Variants in FIP1L1 observed in about 807,000 individuals in gnomAD.
The protein encoded by FIP1L1 is factor interacting with PAPOLA and CPSF1.
A neutral mutation model predicts 84.6 loss-of-function variants in FIP1L1; 21 were observed. The ratio of observed to expected loss-of-function variants is 0.25; its 90% CI spans 0.18 to 0.36. The LOEUF is 0.36. Ranked by LOEUF, FIP1L1 falls within the 10% of genes least tolerant of loss-of-function variation. The pLI is 1.00. For synonymous variants in FIP1L1, 263 were observed against 242.3 expected (o/e 1.09, Z -0.80); for missense variants, 526 against 751.1 (o/e 0.70, Z 3.50).
chr4:53,419,690 C>T (rs1410634629), intron 11 of FIP1L1, among the ~76,000 whole-genome samples: 2 of 152,090 alleles, frequency 1.3e-5, no homozygotes, highest in Non-Finnish European at 2.9e-5. Flanking sequence ...TCTCCTGCCT[C>T]GGCCTACTCC....
intron 10 of FIP1L1, among the ~76,000 whole-genome samples, chr4:53,405,082 C>G (rs1752510872): frequency 6.6e-6 from 1 of 152,108 alleles, no homozygotes; most frequent in Non-Finnish European, 1.5e-5. Flanking sequence ...AAGTCCTTGC[C>G]CATGCCTGTG....
intron 11 of FIP1L1, among the ~76,000 whole-genome samples, chr4:53,420,766 T>C (rs1331238516): frequency 1.3e-5 from 2 of 152,192 alleles, no homozygotes; most frequent in African/African-American, 4.8e-5. Flanking sequence ...CCCGGGCTGA[T>C]CTCGAATTCC....
intron 9 of FIP1L1, among the ~76,000 whole-genome samples, chr4:53,396,579 T>C (rs937784928): frequency 8.6e-5 from 13 of 151,896 alleles, no homozygotes; most frequent in African/African-American, 3.1e-4. Flanking sequence ...CTAATTTTTT[T>C]AGTTTTAGTA....
intron 10 of FIP1L1, among the ~76,000 whole-genome samples, chr4:53,401,697 T>A (rs933723806): frequency 6.6e-6 from 1 of 152,208 alleles, no homozygotes; most frequent in Non-Finnish European, 1.5e-5. Context: ...GATGGTTTTG[T>A]CATTTACAGA....
chr4:53,446,885 TGA>T (rs1440936870), intron 15 of FIP1L1, among the ~76,000 whole-genome samples: 2 of 152,058 alleles, frequency 1.3e-5, no homozygotes, highest in Admixed American at 6.6e-5. Flanking sequence ...TATAAAAAAG[TGA>T]GAGTCTCTTG....
intron 10 of FIP1L1, 69 bp downstream of exon 10, chr4:53,399,908 T>G: frequency 1.9e-6 from 2 of 1,064,776 alleles, no homozygotes; most frequent in Non-Finnish European, 2.8e-6. Flanking sequence ...TGTGCTATAT[T>G]AAGTATAAAA....
At chr4:53,378,309 C>T (rs553629426) in intron 1 of FIP1L1, 3 of 187,844 alleles carry the variant, frequency 1.6e-5, no homozygotes, top group Admixed American at 1.2e-4. Context: ...CCTTAGGGTG[C>T]CCTTCCTGTC....
In FIP1L1 at chr4:53,383,884, A is replaced by G. The variant is rs762368681; in HGVS notation, c.332+8A>G. The G allele has an allele frequency of 1.9e-6, 3 of 1,608,176 alleles. No homozygotes were observed. Among genetic ancestry groups the G allele is most frequent in the Admixed American group, 3.4e-5 (2 of 58,658 alleles). ...GGGAGCACCACAGTATGGGTAAGTTATTTTTTAGTAAGTAACAATTGTGTA... is the reference window on the plus strand; with the variant it reads ...GGGAGCACCACAGTATGGGTAAGTTGTTTTTTAGTAAGTAACAATTGTGTA... On this transcript the variant is annotated splice_region_variant and intron_variant, in intron 5 of 17. Transcript: ENST00000337488.
At chr4:53,401,114 T>TAACA (rs1750021623) in intron 10 of FIP1L1, among the ~76,000 whole-genome samples, 1 of 152,226 alleles carries the variant, frequency 6.6e-6, no homozygotes, top group Non-Finnish European at 1.5e-5. Context: ...TCCCTCACAG[T>TAACA]GTAGTTATCT....
intron 10 of FIP1L1, among the ~76,000 whole-genome samples, chr4:53,406,352 A>T (rs1753449548): frequency 6.6e-6 from 1 of 152,178 alleles, no homozygotes; most frequent in Admixed American, 6.5e-5. Context: ...CATCCCAGGG[A>T]TGAAGCCCAC....
At chr4:53,458,876 G>A (rs1720915244) in intron 17 of FIP1L1, 86 bp downstream of exon 17, 1 of 1,461,890 alleles carries the variant, frequency 6.8e-7, no homozygotes, top group Non-Finnish European at 9.2e-7. Context: ...GGGAAATTTT[G>A]GCCTATGAAC....
intron 13 of FIP1L1, 156 bp from the exon 14 acceptor site, chr4:53,442,497 A>G (rs1772379678): frequency 1.7e-6 from 1 of 585,034 alleles, no homozygotes; most frequent in East Asian, 2.9e-5. Flanking sequence ...AAATCTGTTC[A>G]TAAGTTTGAG....
chr4:53,417,005 T>G (rs1759789653), intron 11 of FIP1L1, among the ~76,000 whole-genome samples: 1 of 152,180 alleles, frequency 6.6e-6, no homozygotes, highest in Non-Finnish European at 1.5e-5. Context: ...TTCAATGTAA[T>G]TTTAAACTTT....
rs372168960 is a variant in FIP1L1 at position 53,445,706 on chromosome 4, T to G, written c.1285+1603T>G. 1.1e-4 allele frequency among the ~76,000 whole-genome samples: 16 copies of G among 152,324 alleles called. No homozygotes were observed. In the East Asian group the frequency reaches 2.7e-3, roughly 26 times the overall value. ...TGCCTTGTCCATGCCGATAAGGGTC[T>G]AAATTTGTCTTCAGTGATCAACTTT... On this transcript the variant is annotated intron_variant, in intron 15 of 17. Transcript: ENST00000337488.
chr4:53,422,336 T>C (rs1193493509), intron 11 of FIP1L1, among the ~76,000 whole-genome samples: 1 of 152,134 alleles, frequency 6.6e-6, no homozygotes, highest in Non-Finnish European at 1.5e-5. Context: ...TTTAATGTAT[T>C]GTGGGTACTG....
chr4:53,426,512 G>A (rs1159436695), intron 12 of FIP1L1, among the ~76,000 whole-genome samples: 3 of 151,994 alleles, frequency 2.0e-5, no homozygotes, highest in African/African-American at 7.2e-5. Context: ...TCGGATTTTA[G>A]AGCATTTCAG....
chr4:53,427,046 A>G (rs2149996618), intron 12 of FIP1L1, among the ~76,000 whole-genome samples: 1 of 152,348 alleles, frequency 6.6e-6, no homozygotes, highest in East Asian at 1.9e-4. Context: ...TTTAAAGGCA[A>G]ATCATTTCTA....
intron 10 of FIP1L1, among the ~76,000 whole-genome samples, chr4:53,403,028 G>C (rs966326673): frequency 6.6e-6 from 1 of 152,170 alleles, no homozygotes; most frequent in Non-Finnish European, 1.5e-5. Flanking sequence ...GAGGCTGTTG[G>C]AAATAAGAGG....
intron 13 of FIP1L1, among the ~76,000 whole-genome samples, chr4:53,429,755 T>TA (rs1291163537): frequency 6.6e-6 from 1 of 152,246 alleles, no homozygotes; most frequent in Non-Finnish European, 1.5e-5. Context: ...TACATTGTAG[T>TA]AAATCAAGTT....
Sources: allele counts gnomAD v4.1 joint callset (sites outside exome capture counted in the v4.1 genomes callset), GRCh38; gene constraint gnomAD v4.1.1; transcripts MANE v1.5; gene names NCBI Gene and HGNC (gene_info 2026-07-23, HGNC 2026-07-21).